The following STK3 variants were observed in gnomAD, a reference collection of about 807,000 sequenced individuals.
STK3 encodes the protein serine/threonine kinase 3, also known as serine/threonine-protein kinase 3.
Under a neutral mutation model 58.0 loss-of-function variants are expected in STK3, and 41 were observed. That is an observed-to-expected ratio of 0.71 (90% confidence interval 0.55 to 0.92). The LOEUF (loss-of-function observed/expected upper bound fraction) is 0.92, where lower values mean the gene tolerates loss of function less well. Ranked by LOEUF, STK3 falls within the 40% of genes least tolerant of loss-of-function variation. The pLI, the probability that STK3 is intolerant of heterozygous loss-of-function variation, is 0.00. For synonymous variants in STK3, 170 were observed against 191.0 expected, an observed-to-expected ratio of 0.89 and a Z score of 0.91; for missense variants, 479 against 602.7, an observed-to-expected ratio of 0.79 and a Z score of 2.15.
At chr8:98,822,053 TACAC>T (rs773942816) in intron 1 of STK3, among the ~76,000 whole-genome samples, 3 of 150,212 alleles carry the variant, frequency 2.0e-5, no homozygotes, top group Non-Finnish European at 4.4e-5. Context: ...CACACATACA[TACAC>T]ACACACACAT....
chr8:98,874,290 T>C (rs1000059550), intron 3 of STK3, among the ~76,000 whole-genome samples: 1 of 152,236 alleles, frequency 6.6e-6, no homozygotes, highest in Non-Finnish European at 1.5e-5. Context: ...TTCCTTTGTT[T>C]CAACTTTGAT....
intron 8 of STK3, among the ~76,000 whole-genome samples, chr8:98,567,150 A>T (rs1315812850): frequency 6.6e-6 from 1 of 152,208 alleles, no homozygotes; most frequent in Non-Finnish European, 1.5e-5. Flanking sequence ...TCGTTCCATA[A>T]CCTAGACAAA....
In STK3 at chr8:98,819,016, G is replaced by C. The variant is rs184202035; in HGVS notation, c.26+6499C>G. Among the ~76,000 whole-genome samples the C allele has an allele frequency of 8.7e-3, 1,321 of 152,180 alleles. 11 individuals carry two copies. Among genetic ancestry groups the C allele is most frequent in the African/African-American group, 0.03 (1,244 of 41,508 alleles). On this transcript the variant is annotated intron_variant, in intron 1 of 10. Transcript: ENST00000419617. ...TTTGTATTTTGTTTAGTAGAGACAG[G>C]GTTTCACCATGTTAGCCAGGATGGT...
At chr8:98,505,587 C>A (rs1019014027) in intron 10 of STK3, among the ~76,000 whole-genome samples, 1 of 152,018 alleles carries the variant, frequency 6.6e-6, no homozygotes, top group Non-Finnish European at 1.5e-5. Context: ...GTGTAGATGA[C>A]CTTTATGTTG....
At chr8:98,511,164 CAA>C (rs1824483154) in intron 10 of STK3, among the ~76,000 whole-genome samples, 1 of 151,768 alleles carries the variant, frequency 6.6e-6, no homozygotes, top group East Asian at 1.9e-4. Flanking sequence ...TTAATTAAAA[CAA>C]AAGTGGTTCT....
intron 2 of STK3, among the ~76,000 whole-genome samples, chr8:98,375,509 A>C (rs1246116474): frequency 6.6e-6 from 1 of 152,164 alleles, no homozygotes; most frequent in Non-Finnish European, 1.5e-5. Flanking sequence ...CAGGATACTG[A>C]ACTGTTTCAT....
chr8:98,918,899 C>T (rs1391660768), intron 1 of STK3, among the ~76,000 whole-genome samples: 1 of 151,884 alleles, frequency 6.6e-6, no homozygotes, highest in African/African-American at 2.4e-5. Flanking sequence ...GGGGTCCTGG[C>T]ACCTCTGTCA....
intron 1 of STK3, among the ~76,000 whole-genome samples, chr8:98,814,508 A>G (rs1834424453): frequency 6.6e-6 from 1 of 151,694 alleles, no homozygotes; most frequent in African/African-American, 2.4e-5. Flanking sequence ...CGCCCAGCTA[A>G]TTTTTTGTTT....
chr8:98,593,500 T>C (rs1815515235), intron 7 of STK3, among the ~76,000 whole-genome samples: 1 of 152,176 alleles, frequency 6.6e-6, no homozygotes, highest in Non-Finnish European at 1.5e-5. Context: ...CTTGGCCTGT[T>C]ATGAACTGGG....
In STK3 at chr8:98,524,132, T is replaced by A. The variant is rs191123961; in HGVS notation, c.1317+2610A>T. Reference sequence around the variant, plus strand: ...CCTCTTCTTTGCCCCCACTGAATGGTCTTGGCATCCTTGCCGAAAATCATT... The same window carrying A: ...CCTCTTCTTTGCCCCCACTGAATGGACTTGGCATCCTTGCCGAAAATCATT... On this transcript the variant is annotated intron_variant, in intron 10 of 10. Transcript: ENST00000419617. 9.8e-5 allele frequency among the ~76,000 whole-genome samples: 15 copies of A among 152,326 alleles called. No individual in the cohort carries two copies. The East Asian group carries it at 2.7e-3, about 27-fold the overall frequency.
intron 1 of STK3, among the ~76,000 whole-genome samples, chr8:98,914,833 T>A (rs1206380397): frequency 6.6e-6 from 1 of 152,180 alleles, no homozygotes; most frequent in Non-Finnish European, 1.5e-5. Context: ...CCTGAAAAAT[T>A]GAAGGCAAAT....
chr8:98,514,708 T>C (rs556344474), intron 10 of STK3, among the ~76,000 whole-genome samples: 2 of 152,192 alleles, frequency 1.3e-5, no homozygotes, highest in East Asian at 1.9e-4. Context: ...TAGAAATCCA[T>C]TTTTGGTAAT....
chr8:98,474,688 G>C (rs994773695), intron 10 of STK3, among the ~76,000 whole-genome samples: 1 of 152,058 alleles, frequency 6.6e-6, no homozygotes, highest in Non-Finnish European at 1.5e-5. Context: ...TCATCTTTAG[G>C]ACTGATCTTA....
chr8:98,849,122 A>G (rs916671455), intron 3 of STK3, among the ~76,000 whole-genome samples: 1 of 150,836 alleles, frequency 6.6e-6, no homozygotes, highest in Admixed American at 6.7e-5. Flanking sequence ...GCTACTCAGG[A>G]GGCTGAGGCA....
intron 1 of STK3, among the ~76,000 whole-genome samples, chr8:98,937,236 C>A (rs774782848): frequency 2.6e-5 from 4 of 152,054 alleles, no homozygotes; most frequent in Non-Finnish European, 5.9e-5. Flanking sequence ...CTCTGTGGCT[C>A]CTTACAGTCA....
chr8:98,746,638 A>G (rs1196203075), intron 4 of STK3, among the ~76,000 whole-genome samples: 1 of 152,056 alleles, frequency 6.6e-6, no homozygotes, highest in East Asian at 1.9e-4. Flanking sequence ...AAATAAAAAT[A>G]AATTATGTTC....
chr8:98,696,365 T>C (rs902928987), intron 6 of STK3, among the ~76,000 whole-genome samples: 5 of 151,578 alleles, frequency 3.3e-5, no homozygotes, highest in African/African-American at 7.3e-5. Context: ...TCCTGCCTAA[T>C]TGCCCTGGCC....
At chr8:98,642,312 G>A (rs758496613) in intron 6 of STK3, among the ~76,000 whole-genome samples, 2 of 151,640 alleles carry the variant, frequency 1.3e-5, no homozygotes, top group African/African-American at 2.4e-5. Context: ...TGGTAAAGAT[G>A]GTTAATTTTT....
chr8:98,753,111 T>C (rs1274263850), intron 3 of STK3, among the ~76,000 whole-genome samples: 1 of 152,150 alleles, frequency 6.6e-6, no homozygotes, highest in East Asian at 1.9e-4. Context: ...GCAATCTCAT[T>C]ACTGGATATA....
Sources: allele counts gnomAD v4.1 joint callset (sites outside exome capture counted in the v4.1 genomes callset), GRCh38; gene constraint gnomAD v4.1.1; transcripts MANE v1.5; gene names NCBI Gene and HGNC (gene_info 2026-07-23, HGNC 2026-07-21).